Variants in APEX2 observed in about 807,000 individuals in gnomAD.
The protein encoded by APEX2 is apurinic/apyrimidinic endodeoxyribonuclease 2, also known as DNA-(apurinic or apyrimidinic site) endonuclease 2.
Under a neutral mutation model 16.7 loss-of-function variants are expected in APEX2, and 4 were observed. The ratio of observed to expected loss-of-function variants is 0.24; its 90% CI spans 0.12 to 0.55. The LOEUF is 0.55. APEX2 is among the 20% of genes least tolerant of loss of function. The pLI, the probability that APEX2 is intolerant of heterozygous loss-of-function variation, is 0.94. For missense variants in APEX2, 357 were observed against 433.6 expected (o/e 0.82, Z 1.57); for synonymous variants, 181 against 166.9 (o/e 1.08, Z -0.65).
At chrX:55,002,194 G>T in intron 2 of APEX2, 57 bp from the exon 3 acceptor site, 1 of 1,067,194 alleles carries the variant, frequency 9.4e-7, no homozygotes, top group Non-Finnish European at 1.2e-6. Flanking sequence ...AGTGGGACAG[G>T]CTGTGCAACA....
intron 5 of APEX2, among the ~76,000 whole-genome samples, chrX:55,006,098 T>C (rs1309724443): frequency 6.6e-5 from 7 of 106,014 alleles, no homozygotes; most frequent in African/African-American, 2.4e-4. Context: ...TTTGACACAC[T>C]AGATAAACCA....
Position 55,007,376 on chromosome X carries a change from G to T in APEX2, c.1498G>T (p.Gly500Cys), listed in dbSNP as rs751523918. ...RRFYMCARPR[G>C]PPTDPSSRCN... is the part of the protein sequence containing the mutation. ...CTTCTACATGTGTGCCAGGCCCCGG[G>T]GTCCTCCCACTGACCCCTCCTCCCG... The change falls in exon 6 of 6, where the codon GGT becomes TGT. Residue 500 changes from glycine to cysteine, a missense_variant. By Grantham distance (159) the Gly-to-Cys change is radical (BLOSUM62 -3). Coordinates refer to ENST00000374987, the MANE Select transcript of APEX2 (RefSeq NM_014481.4). 9.2e-6 allele frequency: 11 copies of T among 1,192,234 alleles called. No individual in the cohort carries two copies. The highest frequency in any genetic ancestry group is 1.1e-5 in the Non-Finnish European group (10 of 884,239).
In APEX2 at chrX:55,001,564, C is replaced by T. The variant is rs757329327; in HGVS notation, c.176C>T (p.Pro59Leu). The T allele has an allele frequency of 4.1e-6, 5 of 1,206,356 alleles. No individual in the cohort carries two copies. The highest frequency in any genetic ancestry group is 3.5e-5 in the African/African-American group (2 of 57,509). Reference sequence around the variant, plus strand: ...TTTCCAGGGGATGCACTGACAGAGCCCCTGGCTATCGTTGAGGGTTATAAC... The same window carrying T: ...TTTCCAGGGGATGCACTGACAGAGCTCCTGGCTATCGTTGAGGGTTATAAC... ...TKVTRDALTE[P>L]LAIVEGYNSY... Residue 59 changes from proline to leucine, a missense_variant, in exon 2 of 6, where the codon CCC becomes CTC. Coordinates refer to ENST00000374987, the MANE Select transcript of APEX2 (RefSeq NM_014481.4).
Position 55,000,374 on chromosome X carries a change from C to G in APEX2, c.-49C>G. On this transcript the variant is annotated 5_prime_UTR_variant, in exon 1 of 6. Coordinates refer to ENST00000374987, the MANE Select transcript of APEX2 (RefSeq NM_014481.4). The stretch of plus-strand genomic sequence containing the variant: ...GCCAACTTCTGAACAGGAAGCAGTT[C>G]GCTCGCGCCTAGGTTGGCGCGGGCT... 2 of 1,095,733 alleles carry G rather than the reference C, an allele frequency of 1.8e-6. No homozygotes were observed. The allele number at this position is 1,095,733 out of a possible 1,213,427, so 90.3% of individuals were successfully genotyped here.
chrX:55,007,027 G>C lies in APEX2; in HGVS notation c.1149G>C (p.Gln383His), dbSNP rs781435197. 2 of 1,211,893 alleles carry C rather than the reference G, an allele frequency of 1.7e-6. No homozygotes were observed. Among genetic ancestry groups the C allele is most frequent in the South Asian group, 3.5e-5 (2 of 56,952 alleles). ...GCTCAACCAGGCCTCAGCCCAGTCAGGTTGGCTCTAGCAGAGGCCAGAAAA... is the reference window on the plus strand; with the variant it reads ...GCTCAACCAGGCCTCAGCCCAGTCACGTTGGCTCTAGCAGAGGCCAGAAAA... ...QVRSTRPQPS[Q>H]VGSSRGQKNL... The change falls in exon 6 of 6, where the codon CAG (glutamine) becomes CAC (histidine). Residue 383 changes from glutamine to histidine, a missense_variant. Physicochemically the swap from Gln to His is conservative, Grantham distance 24. Transcript: ENST00000374987.
intron 1 of APEX2, 132 bp downstream of exon 1, chrX:55,000,711 T>G: frequency 1.3e-6 from 1 of 757,255 alleles, no homozygotes; most frequent in Non-Finnish European, 1.8e-6. Context: ...GTCCCTTCCC[T>G]CTTAAACTTC....
intron 5 of APEX2, 45 bp from the exon 6 acceptor site, chrX:55,006,473 T>G (rs1935499201): frequency 9.7e-7 from 1 of 1,026,126 alleles, no homozygotes; most frequent in African/African-American, 1.9e-5. Context: ...TCTAGGTATC[T>G]AGTTCTGTCT....
chrX:55,008,981 C>T lies in APEX2; in HGVS notation c.*1546C>T. 1 of 477,346 alleles carries T rather than the reference C, an allele frequency of 2.1e-6. No homozygotes were observed. Among genetic ancestry groups the T allele is most frequent in the Non-Finnish European group, 3.6e-6 (1 of 278,839 alleles). 39.3% of individuals were successfully genotyped at this position (477,346 alleles called of 1,213,427 possible). On this transcript the variant is annotated 3_prime_UTR_variant, in exon 6 of 6. Transcript: ENST00000374987. ...GTGACCAACAAGTGACCTATGGTTA[C>T]CTCATAGATCTGCCACTTGTCTGAG...
At chrX:55,003,582 A>T in intron 4 of APEX2, among the ~76,000 whole-genome samples, 1 of 111,871 alleles carries the variant, frequency 8.9e-6, no homozygotes, top group Admixed American at 9.5e-5. Context: ...CATGTCAAAC[A>T]TGGAACACTG....
At chrX:55,004,331 A>T (rs1673962884) in intron 5 of APEX2, among the ~76,000 whole-genome samples, 1 of 112,634 alleles carries the variant, frequency 8.9e-6, no homozygotes, top group African/African-American at 3.2e-5. Flanking sequence ...AGCATGGGCA[A>T]AGGTTTCAAG....
intron 4 of APEX2, among the ~76,000 whole-genome samples, 183 bp downstream of exon 4, chrX:55,003,291 G>A (rs774221686): frequency 7.9e-4 from 89 of 112,895 alleles, no homozygotes; most frequent in African/African-American, 2.8e-3. Flanking sequence ...TGTACTCTGA[G>A]CACCTATTCA....
At chrX:55,002,858 T>C (rs1191886529) in intron 3 of APEX2, 104 bp from the exon 4 acceptor site, 1 of 965,335 alleles carries the variant, frequency 1.0e-6, no homozygotes, top group Admixed American at 3.5e-5. Flanking sequence ...AACCCCTTTC[T>C]TTTCCATCCC....
intron 4 of APEX2, 83 bp from the exon 5 acceptor site, chrX:55,003,716 G>A (rs1935473426): frequency 3.1e-6 from 3 of 952,926 alleles, no homozygotes; most frequent in Non-Finnish European, 4.5e-6. Context: ...GAGAGGGCCT[G>A]TCTGAGCTCT....
At chrX:55,004,211 G>C (rs1935478351) in intron 5 of APEX2, among the ~76,000 whole-genome samples, 1 of 112,587 alleles carries the variant, frequency 8.9e-6, no homozygotes, top group Non-Finnish European at 1.9e-5. Flanking sequence ...GAAAGCTACA[G>C]GAGCTCAGAG....
rs1009059322 is a variant in APEX2 at position 55,002,977 on chromosome X, G to A, written c.438G>A (p.Lys146=). The part of the protein sequence containing the change: ...TQHKIRTWEG[K]EKTLTLINVY... The stretch of plus-strand genomic sequence containing the variant: ...TTTTCTCCAGCACATGGGAAGGTAA[G>A]GAGAAGACCTTGACCCTAATCAACG... Residue 146 remains lysine, a synonymous_variant, in exon 4 of 6, where the codon AAG becomes AAA. Coordinates refer to ENST00000374987, the MANE Select transcript of APEX2 (RefSeq NM_014481.4). 3.3e-6 allele frequency: 4 copies of A among 1,209,131 alleles called. No individual in the cohort carries two copies. Among genetic ancestry groups the A allele is most frequent in the Non-Finnish European group, 2.2e-6 (2 of 894,518 alleles).
chrX:55,006,400 C>A, intron 5 of APEX2, 118 bp from the exon 6 acceptor site: 1 of 539,030 alleles, frequency 1.9e-6, no homozygotes, highest in Non-Finnish European at 2.7e-6. Flanking sequence ...AGCAGTAGTC[C>A]TCTTGGGACA....
rs1180828606 is a variant in APEX2 at position 55,000,397 on chromosome X, G to T, written c.-26G>T. On this transcript the variant is annotated 5_prime_UTR_variant, in exon 1 of 6. Coordinates refer to ENST00000374987, the MANE Select transcript of APEX2 (RefSeq NM_014481.4). The stretch of plus-strand genomic sequence containing the variant: ...TTCGCTCGCGCCTAGGTTGGCGCGG[G>T]CTGGGAGGTGTTCCAGCCCTTTAAG... The T allele has an allele frequency of 1.8e-6, 2 of 1,139,268 alleles. No homozygotes were observed. The highest frequency in any genetic ancestry group is 3.4e-5 in the East Asian group (1 of 29,798). The allele number at this position is 1,139,268 out of a possible 1,213,427, so 93.9% of individuals were successfully genotyped here. A position where few individuals can be genotyped will look rare whatever the true frequency, so the allele number is the denominator to read the frequency against.
At position 55,003,004 on chromosome X, in the gene APEX2, G is replaced by A; in HGVS notation, c.465G>A (p.Val155=). The change falls in exon 4 of 6, where the codon GTG becomes GTA. Residue 155 remains valine, a synonymous_variant. Coordinates refer to ENST00000374987, the MANE Select transcript of APEX2 (RefSeq NM_014481.4). ...GKEKTLTLIN[V]YCPHADPGRP... is the part of the protein sequence containing the mutation. ...AGAAGACCTTGACCCTAATCAACGTGTACTGCCCCCATGCGGACCCTGGGA... is the reference window on the plus strand; with the variant it reads ...AGAAGACCTTGACCCTAATCAACGTATACTGCCCCCATGCGGACCCTGGGA... 2.5e-6 allele frequency: 3 copies of A among 1,211,488 alleles called. No individual in the cohort carries two copies. The highest frequency in any genetic ancestry group is 3.4e-6 in the Non-Finnish European group (3 of 895,281).
intron 5 of APEX2, among the ~76,000 whole-genome samples, chrX:55,005,636 C>A (rs1388379093): frequency 9.0e-6 from 1 of 111,721 alleles, no homozygotes; most frequent in Non-Finnish European, 1.9e-5. Flanking sequence ...CTCTGGCACC[C>A]ACCCTAGTCC....
Sources: allele counts gnomAD v4.1 joint callset (sites outside exome capture counted in the v4.1 genomes callset), GRCh38; gene constraint gnomAD v4.1.1; transcripts MANE v1.5; gene names NCBI Gene and HGNC (gene_info 2026-07-23, HGNC 2026-07-21).